GRM1: variants seen among roughly 807,000 people sequenced by gnomAD.
GRM1 encodes metabotropic glutamate receptor 1.
GRM1 carries 33 observed loss-of-function variants against 90.9 expected under a neutral mutation model. The observed-to-expected ratio is 0.36, with a 90% CI of 0.28 to 0.49. GRM1 has a LOEUF of 0.49. Ranked by LOEUF, GRM1 falls within the 20% of genes least tolerant of loss-of-function variation. GRM1 has a pLI of 0.99. For synonymous variants in GRM1, 700 were observed against 613.2 expected (o/e 1.14, Z -2.09); for missense variants, 1,190 against 1,534.3 (o/e 0.78, Z 3.75).
chr6:146,151,094 A>G (rs1391843112), intron 1 of GRM1, among the ~76,000 whole-genome samples: 1 of 152,136 alleles, frequency 6.6e-6, no homozygotes, highest in Non-Finnish European at 1.5e-5. Flanking sequence ...ATAGGAGGCA[A>G]AGTAGTTGGT....
intron 3 of GRM1, among the ~76,000 whole-genome samples, chr6:146,305,368 T>C (rs1467096123): frequency 6.6e-6 from 1 of 152,136 alleles, no homozygotes; most frequent in Non-Finnish European, 1.5e-5. Flanking sequence ...ATGAGCCCCA[T>C]GCACTACTCA....
intron 5 of GRM1, among the ~76,000 whole-genome samples, chr6:146,378,561 A>T (rs1312615112): frequency 6.6e-6 from 1 of 152,176 alleles, no homozygotes; most frequent in African/African-American, 2.4e-5. Context: ...TGTTTTGGCC[A>T]ATTTCTCCCA....
intron 1 of GRM1, among the ~76,000 whole-genome samples, chr6:146,125,167 C>T (rs1004928087): frequency 6.6e-6 from 1 of 152,008 alleles, no homozygotes; most frequent in Non-Finnish European, 1.5e-5. Context: ...ACTATTTGCA[C>T]GTTCTCTAAG....
chr6:146,250,669 G>A (rs1781237620), intron 2 of GRM1, among the ~76,000 whole-genome samples: 1 of 152,166 alleles, frequency 6.6e-6, no homozygotes, highest in Admixed American at 6.5e-5. Flanking sequence ...TCTTTTTACA[G>A]AGGAGAAAAC....
At chr6:146,170,663 A>G (rs961276484) in intron 2 of GRM1, among the ~76,000 whole-genome samples, 1 of 152,082 alleles carries the variant, frequency 6.6e-6, no homozygotes, top group African/African-American at 2.4e-5. Context: ...ATTTAATTAG[A>G]CACTGTCATT....
chr6:146,238,454 G>T (rs1322166718), intron 2 of GRM1, among the ~76,000 whole-genome samples: 3 of 151,966 alleles, frequency 2.0e-5, no homozygotes, highest in Non-Finnish European at 4.4e-5. Context: ...TCTGGAGCTG[G>T]GTTTTATAGA....
chr6:146,196,835 A>G (rs1779141178), intron 2 of GRM1, among the ~76,000 whole-genome samples: 3 of 152,216 alleles, frequency 2.0e-5, no homozygotes, highest in African/African-American at 7.2e-5. Flanking sequence ...AGGCAGAAAT[A>G]TGATAGTGCT....
intron 1 of GRM1, among the ~76,000 whole-genome samples, chr6:146,151,683 A>G (rs973570586): frequency 2.0e-5 from 3 of 152,148 alleles, no homozygotes; most frequent in African/African-American, 7.2e-5. Flanking sequence ...CTGACTTTTC[A>G]AAATCATACC....
chr6:146,111,947 C>T (rs1775577376), intron 1 of GRM1, among the ~76,000 whole-genome samples: 1 of 152,218 alleles, frequency 6.6e-6, no homozygotes, highest in Non-Finnish European at 1.5e-5. Flanking sequence ...ACATCATTAA[C>T]TTCTCAAATA....
At chr6:146,274,254 T>TGAC (rs1265708091) in intron 2 of GRM1, among the ~76,000 whole-genome samples, 1 of 152,234 alleles carries the variant, frequency 6.6e-6, no homozygotes, top group African/African-American at 2.4e-5. Flanking sequence ...TACATAATTT[T>TGAC]ATCTAAATGT....
chr6:146,280,712 G>A (rs1266003193), intron 2 of GRM1, among the ~76,000 whole-genome samples: 1 of 152,102 alleles, frequency 6.6e-6, no homozygotes, highest in Non-Finnish European at 1.5e-5. Flanking sequence ...TCAAACTCGT[G>A]AGCTCAAGCA....
At chr6:146,397,496 A>AAAAAAAAAAAAAAAAAAAAAAAAAAAAAT (rs1777006663) in intron 6 of GRM1, among the ~76,000 whole-genome samples, 1 of 150,946 alleles carries the variant, frequency 6.6e-6, no homozygotes, top group African/African-American at 2.4e-5. Context: ...AAAAAAAAAA[A>AAAAAAAAAAAAAAAAAAAAAAAAAAAAAT]AAAAAAAAAG....
At chr6:146,132,307 A>T (rs563442132) in intron 1 of GRM1, among the ~76,000 whole-genome samples, 5 of 152,328 alleles carry the variant, frequency 3.3e-5, no homozygotes, top group African/African-American at 1.2e-4. Context: ...ACATTGAAGG[A>T]TATGGCAATA....
intron 2 of GRM1, among the ~76,000 whole-genome samples, chr6:146,235,147 C>T (rs937061995): frequency 9.9e-5 from 15 of 152,096 alleles, no homozygotes; most frequent in African/African-American, 1.2e-4. Context: ...CTCTTTCTCT[C>T]ATTCTTTAAT....
At chr6:146,237,444 A>G (rs572515805) in intron 2 of GRM1, among the ~76,000 whole-genome samples, 2 of 145,984 alleles carry the variant, frequency 1.4e-5, no homozygotes. Flanking sequence ...AATATAAATT[A>G]TTTGTAAAAT....
chr6:146,234,321 T>C lies in GRM1; in HGVS notation c.951-70290T>C, dbSNP rs79300285. ...ACTCTCTTTCCTTTTAATTAGTTTA[T>C]TTTCATCATATTAATTATGGTATAA... On this transcript the variant is annotated intron_variant, in intron 2 of 7. Coordinates refer to ENST00000282753, the MANE Select transcript of GRM1 (RefSeq NM_001278064.2). Among the ~76,000 whole-genome samples, 39 of 152,252 alleles carry C rather than the reference T, an allele frequency of 2.6e-4. No homozygotes were observed. In the East Asian group the frequency reaches 7.3e-3, roughly 29 times the overall value.
chr6:146,259,426 A>G (rs1472476528), intron 2 of GRM1, among the ~76,000 whole-genome samples: 3 of 152,196 alleles, frequency 2.0e-5, no homozygotes, highest in African/African-American at 7.2e-5. Flanking sequence ...TTCATTTTGC[A>G]TAACTGAAAC....
At chr6:146,120,030 G>A (rs1775920438) in intron 1 of GRM1, among the ~76,000 whole-genome samples, 2 of 152,192 alleles carry the variant, frequency 1.3e-5, no homozygotes, top group South Asian at 2.1e-4. Context: ...ATTACCTTGA[G>A]CAGTATGGCC....
chr6:146,342,976 T>C (rs534473759), intron 3 of GRM1, among the ~76,000 whole-genome samples: 1 of 152,214 alleles, frequency 6.6e-6, no homozygotes. Flanking sequence ...TCATCTTTTT[T>C]TTTTCCTTTT....
Sources: allele counts gnomAD v4.1 joint callset (sites outside exome capture counted in the v4.1 genomes callset), GRCh38; gene constraint gnomAD v4.1.1; transcripts MANE v1.5; gene names NCBI Gene and HGNC (gene_info 2026-07-23, HGNC 2026-07-21).